RIMS2: variants seen among roughly 807,000 people sequenced by gnomAD.
RIMS2 encodes regulating synaptic membrane exocytosis protein 2.
A neutral mutation model predicts 174.4 loss-of-function variants in RIMS2; 59 were observed. That is an observed-to-expected ratio of 0.34 (90% CI 0.27 to 0.42). The LOEUF is 0.42. Ranked by LOEUF, RIMS2 falls within the 10% of genes least tolerant of loss-of-function variation. The probability of loss-of-function intolerance (pLI) is 1.00; values close to 1 mark genes in which losing one functional copy is unlikely to be tolerated. For synonymous variants in RIMS2, 606 were observed against 572.5 expected (o/e 1.06, Z -0.84); for missense variants, 1,620 against 1,666.3 (o/e 0.97, Z 0.48).
chr8:103,955,244 A>C (rs2086772813), intron 14 of RIMS2, among the ~76,000 whole-genome samples: 1 of 152,160 alleles, frequency 6.6e-6, no homozygotes, highest in African/African-American at 2.4e-5. Flanking sequence ...TCCTTAACTC[A>C]TTTTATGGGG....
At chr8:103,842,551 C>T (rs1034925494) in intron 3 of RIMS2, among the ~76,000 whole-genome samples, 5 of 152,068 alleles carry the variant, frequency 3.3e-5, no homozygotes, top group African/African-American at 1.2e-4. Flanking sequence ...CAGGATTTCA[C>T]TCTGAAAGAT....
chr8:104,101,089 AATATATAATATTG>A (rs2097887347), intron 19 of RIMS2, among the ~76,000 whole-genome samples: 4 of 138,368 alleles, frequency 2.9e-5, no homozygotes, highest in African/African-American at 1.1e-4. Context: ...TTATATATGT[AATATATAATATTG>A]CATATATTAT....
At chr8:103,754,349 C>T (rs1236075894) in intron 2 of RIMS2, among the ~76,000 whole-genome samples, 1 of 152,046 alleles carries the variant, frequency 6.6e-6, no homozygotes, top group Non-Finnish European at 1.5e-5. Context: ...TTACTTCCAA[C>T]GATGTGGTCA....
chr8:104,103,853 T>C (rs1020377906), intron 19 of RIMS2, among the ~76,000 whole-genome samples: 8 of 152,184 alleles, frequency 5.3e-5, no homozygotes, highest in African/African-American at 1.9e-4. Flanking sequence ...CGCCATCATA[T>C]TATTTTCCTG....
At chr8:103,766,204 T>A (rs775395701) in intron 2 of RIMS2, 23 bp from the exon 6 acceptor site, 1 of 1,523,664 alleles carries the variant, frequency 6.6e-7, no homozygotes. Context: ...ACTAATTTTT[T>A]CCCCCTATGT....
intron 3 of RIMS2, among the ~76,000 whole-genome samples, chr8:103,790,895 A>T (rs570999582): frequency 1.1e-4 from 17 of 152,334 alleles, no homozygotes; most frequent in African/African-American, 3.6e-4. Flanking sequence ...AAAATGAGCA[A>T]AGCCTCCAAG....
chr8:104,046,932 C>T (rs1240207000), intron 19 of RIMS2, among the ~76,000 whole-genome samples: 2 of 151,882 alleles, frequency 1.3e-5, no homozygotes, highest in Non-Finnish European at 2.9e-5. Flanking sequence ...ATTAAGTATT[C>T]TTATGATACA....
rs768294142 is a variant in RIMS2, at chr8:104,198,787, C to CGAGG, written c.3335-46129_3335-46128insGAGG. On this transcript the variant is annotated intron_variant, in intron 19 of 23. Transcript: ENST00000504942. ...TAGGTCCAGTCCTCGTCACCAGAGA[C>CGAGG]TGCCAAGGGAGCAAAATTCCACCAC... is the stretch of plus-strand genomic sequence containing the variant. Among the ~76,000 whole-genome samples, 353 of 152,284 alleles carry CGAGG rather than the reference C, an allele frequency of 2.3e-3. 2 individuals carry two copies. Among genetic ancestry groups the CGAGG allele is most frequent in the Admixed American group, 6.6e-3 (101 of 15,286 alleles).
At chr8:104,193,155 AGT>A (rs529798045) in intron 19 of RIMS2, among the ~76,000 whole-genome samples, 93 of 151,502 alleles carry the variant, frequency 6.1e-4, no homozygotes, top group African/African-American at 2.1e-3. Context: ...GTGTACCTTC[AGT>A]GTGTGTATGT....
intron 1 of RIMS2, among the ~76,000 whole-genome samples, chr8:103,552,097 A>C (rs1475833572): frequency 1.3e-5 from 2 of 152,178 alleles, no homozygotes; most frequent in Non-Finnish European, 2.9e-5. Context: ...ATTGGAAAAA[A>C]CTACTTTAAA....
At chr8:104,190,732 C>A (rs2098993298) in intron 19 of RIMS2, among the ~76,000 whole-genome samples, 1 of 151,972 alleles carries the variant, frequency 6.6e-6, no homozygotes, top group South Asian at 2.1e-4. Flanking sequence ...TTTTGGCAGC[C>A]TATGAGCATA....
At chr8:104,208,281 T>A (rs1193381941) in intron 19 of RIMS2, among the ~76,000 whole-genome samples, 1 of 152,072 alleles carries the variant, frequency 6.6e-6, no homozygotes, top group East Asian at 1.9e-4. Context: ...AATTGAAGAA[T>A]ATTAGGCAGG....
intron 13 of RIMS2, among the ~76,000 whole-genome samples, chr8:103,938,199 T>C (rs17817381): frequency 0.13 from 19,324 of 152,218 alleles, 1,697 homozygotes; most frequent in Non-Finnish European, 0.19. Context: ...CACTTTCAGC[T>C]TTTTTCAGTG....
Position 104,182,091 on chromosome 8 carries a change from G to T in RIMS2, c.3335-62825G>T, listed in dbSNP as rs149981521. Among the ~76,000 whole-genome samples the T allele has an allele frequency of 3.1e-3, 471 of 151,702 alleles. 3 individuals are homozygous for T. The highest frequency in any genetic ancestry group is 0.01 in the Middle Eastern group (3 of 286). On this transcript the variant is annotated intron_variant, in intron 19 of 23. Coordinates refer to ENST00000504942, the Ensembl canonical transcript of RIMS2. ...GTCATATTTGAAAGTTATAATATTT[G>T]CCCTAGGGGATAAATATTTTAATGT...
chr8:103,839,453 T>A (rs1350286186), intron 3 of RIMS2, among the ~76,000 whole-genome samples: 1 of 152,222 alleles, frequency 6.6e-6, no homozygotes, highest in Non-Finnish European at 1.5e-5. Flanking sequence ...CTCTTTTTTT[T>A]TTCTTTGTCA....
chr8:103,586,355 C>G (rs2093920821), intron 1 of RIMS2, among the ~76,000 whole-genome samples: 1 of 152,102 alleles, frequency 6.6e-6, no homozygotes, highest in South Asian at 2.1e-4. Context: ...GGTTACAAAA[C>G]AAGTCTGAAA....
At chr8:103,861,958 T>G (rs1374022902) in intron 3 of RIMS2, among the ~76,000 whole-genome samples, 2 of 152,184 alleles carry the variant, frequency 1.3e-5, no homozygotes, top group Non-Finnish European at 2.9e-5. Flanking sequence ...GATTATTTCT[T>G]TTGCTGTGCA....
intron 19 of RIMS2, among the ~76,000 whole-genome samples, chr8:104,047,318 A>G (rs915734430): frequency 1.3e-5 from 2 of 152,104 alleles, no homozygotes; most frequent in African/African-American, 4.8e-5. Flanking sequence ...TGTTTTACCT[A>G]TGCCTATCAC....
At chr8:103,751,049 C>G (rs1281158465) in intron 2 of RIMS2, among the ~76,000 whole-genome samples, 6 of 152,114 alleles carry the variant, frequency 3.9e-5, no homozygotes, top group Admixed American at 3.9e-4. Context: ...GCTCTCTTCT[C>G]TTGTCTACTC....
Sources: allele counts gnomAD v4.1 joint callset (sites outside exome capture counted in the v4.1 genomes callset), GRCh38; gene constraint gnomAD v4.1.1; transcripts MANE v1.5; gene names NCBI Gene and HGNC (gene_info 2026-07-23, HGNC 2026-07-21).